MYZAP: variants seen among roughly 807,000 people sequenced by gnomAD.
MYZAP encodes myocardial zonula adherens protein.
A neutral mutation model predicts 69.4 loss-of-function variants in MYZAP; 66 were observed. The ratio of observed to expected loss-of-function variants is 0.95; its 90% confidence interval spans 0.78 to 1.17. MYZAP has a LOEUF of 1.17. MYZAP is among the 50% of genes most tolerant of loss of function. The pLI, the probability that MYZAP is intolerant of heterozygous loss-of-function variation, is 0.00. For missense variants in MYZAP, 611 were observed against 556.2 expected (o/e 1.10, Z -0.99); for synonymous variants, 256 against 205.9 (o/e 1.24, Z -2.09).
Position 57,639,422 on chromosome 15 carries a change from T to C in MYZAP, c.1014-18T>C. ...TTTGGTTTAGGACTCATTTGCTTTTTTCTCCTATTTGTGTTAGGTATCAGC... is the reference window on the plus strand; with the variant it reads ...TTTGGTTTAGGACTCATTTGCTTTTCTCTCCTATTTGTGTTAGGTATCAGC... On this transcript the variant is annotated intron_variant, in intron 9 of 12. Coordinates refer to ENST00000267853, the MANE Select transcript of MYZAP (RefSeq NM_001018100.5). The C allele has an allele frequency of 1.2e-6, 2 of 1,613,598 alleles. No homozygotes were observed. Among genetic ancestry groups the C allele is most frequent in the East Asian group, 4.5e-5 (2 of 44,834 alleles).
At chr15:57,670,933 T>A (rs1038496693) in intron 11 of MYZAP, among the ~76,000 whole-genome samples, 1 of 152,112 alleles carries the variant, frequency 6.6e-6, no homozygotes, top group African/African-American at 2.4e-5. Flanking sequence ...ATGTATTGTA[T>A]CTATATACAT....
At chr15:57,672,028 G>C (rs963292856) in intron 11 of MYZAP, among the ~76,000 whole-genome samples, 1 of 152,200 alleles carries the variant, frequency 6.6e-6, no homozygotes, top group Non-Finnish European at 1.5e-5. Flanking sequence ...CATCCTGCCT[G>C]TCTGTGATGC....
intron 11 of MYZAP, among the ~76,000 whole-genome samples, chr15:57,672,970 G>A (rs2038938736): frequency 6.6e-6 from 1 of 152,068 alleles, no homozygotes. Context: ...CCAAGACCGA[G>A]CTCCTCAAGG....
chr15:57,661,383 G>C, intron 10 of MYZAP, 67 bp from the exon 11 acceptor site: 1 of 1,207,744 alleles, frequency 8.3e-7, no homozygotes, highest in African/African-American at 1.5e-5. Context: ...ATCTATTCCA[G>C]TTGATAAACC....
chr15:57,664,088 C>G (rs1167936871), intron 11 of MYZAP, among the ~76,000 whole-genome samples: 1 of 143,150 alleles, frequency 7.0e-6, no homozygotes, highest in Admixed American at 7.1e-5. Context: ...TTTTTTTAAA[C>G]CTTCCTGAGG....
At chr15:57,621,864 C>A (rs528084271) in intron 4 of MYZAP, among the ~76,000 whole-genome samples, 164 bp downstream of exon 4, 1 of 151,972 alleles carries the variant, frequency 6.6e-6, no homozygotes, top group Non-Finnish European at 1.5e-5. Flanking sequence ...AAATTTATTA[C>A]CTAAAGGGAA....
intron 1 of MYZAP, among the ~76,000 whole-genome samples, chr15:57,592,318 G>C (rs1418378985): frequency 6.6e-6 from 1 of 152,168 alleles, no homozygotes; most frequent in African/African-American, 2.4e-5. Flanking sequence ...AGAGGGCTTA[G>C]GGGACTTTAT....
intron 12 of MYZAP, 118 bp from the exon 13 acceptor site, chr15:57,684,284 A>T: frequency 1.5e-6 from 1 of 689,030 alleles, no homozygotes; most frequent in Non-Finnish European, 2.5e-6. Flanking sequence ...AAGCTGCATT[A>T]TTGTCTTTTT....
intron 6 of MYZAP, among the ~76,000 whole-genome samples, chr15:57,632,120 T>A (rs1203116798): frequency 6.6e-6 from 1 of 152,248 alleles, no homozygotes; most frequent in African/African-American, 2.4e-5. Flanking sequence ...ACCTAGAAAC[T>A]GGCTTGGCCA....
At chr15:57,654,050 AGAGG>A (rs2037874826) in intron 10 of MYZAP, among the ~76,000 whole-genome samples, 1 of 125,574 alleles carries the variant, frequency 8.0e-6, no homozygotes, top group Admixed American at 8.7e-5. Flanking sequence ...TTTAGAGGTT[AGAGG>A]TTAGTTGGTG....
chr15:57,596,584 G>A (rs902117224), intron 1 of MYZAP, among the ~76,000 whole-genome samples: 9 of 152,064 alleles, frequency 5.9e-5, no homozygotes, highest in African/African-American at 1.7e-4. Context: ...CTTAAAGGCC[G>A]GGGTGATCTT....
chr15:57,620,293 T>G (rs1186540516), intron 3 of MYZAP, among the ~76,000 whole-genome samples: 1 of 152,192 alleles, frequency 6.6e-6, no homozygotes, highest in Non-Finnish European at 1.5e-5. Context: ...GCTGTCTATT[T>G]TAAAACAATG....
At chr15:57,634,643 C>T (rs1334322853) in intron 8 of MYZAP, among the ~76,000 whole-genome samples, 1 of 152,208 alleles carries the variant, frequency 6.6e-6, no homozygotes, top group Non-Finnish European at 1.5e-5. Context: ...TGTACTGTCC[C>T]CTCATAAGGC....
chr15:57,642,172 C>T (rs1647452902), intron 10 of MYZAP, among the ~76,000 whole-genome samples: 4 of 152,216 alleles, frequency 2.6e-5, no homozygotes, highest in Admixed American at 1.3e-4. Flanking sequence ...CTCTAGTGTT[C>T]CTCCACAAAT....
chr15:57,598,141 G>C (rs544686967), intron 1 of MYZAP, among the ~76,000 whole-genome samples: 1 of 152,278 alleles, frequency 6.6e-6, no homozygotes, highest in African/African-American at 2.4e-5. Flanking sequence ...GGTGCCTGAA[G>C]TTGAGAGCAT....
chr15:57,611,761 C>T (rs2140358741), intron 2 of MYZAP, among the ~76,000 whole-genome samples: 1 of 152,232 alleles, frequency 6.6e-6, no homozygotes, highest in East Asian at 1.9e-4. Flanking sequence ...CAGGGTCTCA[C>T]TATGTCATCC....
rs556607568 is a variant in MYZAP, at chr15:57,631,822, G to A, written c.679-612G>A. Reference sequence around the variant, plus strand: ...TCTGCAATAGGCGATAACCTGGAAGGAGGGGATGAGAGCAAACCTTCTGCA... The same window carrying A: ...TCTGCAATAGGCGATAACCTGGAAGAAGGGGATGAGAGCAAACCTTCTGCA... On this transcript the variant is annotated intron_variant, in intron 6 of 12. Transcript: ENST00000267853. 4.6e-5 allele frequency among the ~76,000 whole-genome samples: 7 copies of A among 152,352 alleles called. No homozygotes were observed. In the East Asian group the frequency reaches 5.8e-4, roughly 13 times the overall value.
intron 8 of MYZAP, 143 bp from the exon 9 acceptor site, chr15:57,637,552 T>G (rs957346708): frequency 2.7e-6 from 2 of 749,440 alleles, no homozygotes; most frequent in Non-Finnish European, 4.3e-6. Flanking sequence ...GTTTTGAGCC[T>G]TGTTTGGGCT....
intron 10 of MYZAP, among the ~76,000 whole-genome samples, chr15:57,640,870 G>A (rs1416053731): frequency 1.3e-5 from 2 of 152,204 alleles, no homozygotes; most frequent in African/African-American, 4.8e-5. Flanking sequence ...GTGCATCCAG[G>A]CAGGAGCACT....
Sources: gnomAD v4.1 joint callset for allele counts (sites outside exome capture counted in the v4.1 genomes callset) on GRCh38, gnomAD v4.1.1 for gene constraint, MANE v1.5 for transcripts, NCBI Gene and HGNC (gene_info 2026-07-23, HGNC 2026-07-21) for gene names.